NEDD9: variants seen among roughly 807,000 people sequenced by gnomAD.
The protein encoded by NEDD9 is enhancer of filamentation 1.
Under a neutral mutation model 76.6 loss-of-function variants are expected in NEDD9, and 26 were observed. The ratio of observed to expected loss-of-function variants is 0.34; its 90% CI spans 0.25 to 0.47. The LOEUF (loss-of-function observed/expected upper bound fraction) is 0.47. Among genes scored for constraint, NEDD9 ranks in the 20% least tolerant of loss-of-function variants. The pLI, the probability that NEDD9 is intolerant of heterozygous loss-of-function variation, is 1.00. For synonymous variants in NEDD9, 392 were observed against 414.2 expected (o/e 0.95, Z 0.65); for missense variants, 937 against 1,058.5 (o/e 0.89, Z 1.59).
At chr6:11,235,120 G>T (rs112605444), upstream of NEDD9, among the ~76,000 whole-genome samples, 623 of 152,168 alleles carry the variant, frequency 4.1e-3, 3 homozygotes, top group African/African-American at 0.014. The surrounding 1 kb of genome is among the most constrained non-coding windows in gnomAD (Gnocchi z 4.1). Flanking sequence ...GAATTTAATA[G>T]TACTTGTTAC....
At chr6:11,290,839 C>T (rs4711227) in intron 3 of NEDD9, among the ~76,000 whole-genome samples, 3,721 of 152,284 alleles carry the variant, frequency 0.024, 63 homozygotes, top group East Asian at 0.052. Flanking sequence ...CTCTCCGAGG[C>T]AGGCACTGTC....
intron 3 of NEDD9, among the ~76,000 whole-genome samples, chr6:11,255,700 G>C: frequency 6.6e-6 from 1 of 152,082 alleles, no homozygotes; most frequent in Non-Finnish European, 1.5e-5. Context: ...ATAGCCGCTG[G>C]AGCCATGCGA....
chr6:11,371,217 C>T (rs889811368), intron 1 of NEDD9, among the ~76,000 whole-genome samples: 40 of 152,196 alleles, frequency 2.6e-4, no homozygotes, highest in African/African-American at 9.4e-4. Flanking sequence ...CTCCCACTGT[C>T]GACCTCCCTC....
At chr6:11,369,318 A>T (rs1199678203) in intron 1 of NEDD9, among the ~76,000 whole-genome samples, 1 of 152,224 alleles carries the variant, frequency 6.6e-6, no homozygotes, top group Non-Finnish European at 1.5e-5. Flanking sequence ...ATTTATTAAC[A>T]AATTAACAAA....
intron 2 of NEDD9, among the ~76,000 whole-genome samples, chr6:11,202,353 A>G (rs1473163963): frequency 6.6e-6 from 1 of 152,228 alleles, no homozygotes; most frequent in Admixed American, 6.5e-5. Flanking sequence ...GCCCTTGAAA[A>G]GCATTAACAG....
At chr6:11,191,335 C>A in intron 4 of NEDD9, 130 bp from the exon 5 acceptor site, 1 of 929,068 alleles carries the variant, frequency 1.1e-6, no homozygotes, top group Non-Finnish European at 1.6e-6. Context: ...TAGGCACTTC[C>A]AAGGTTCCCC....
chr6:11,374,349 A>G (rs1762936775), intron 1 of NEDD9, among the ~76,000 whole-genome samples: 1 of 152,200 alleles, frequency 6.6e-6, no homozygotes, highest in Admixed American at 6.5e-5. Flanking sequence ...AAGCACCTGC[A>G]TGAGGAACAG....
At chr6:11,285,938 ATTTC>A (rs1760639018) in intron 3 of NEDD9, among the ~76,000 whole-genome samples, 1 of 152,168 alleles carries the variant, frequency 6.6e-6, no homozygotes, top group Non-Finnish European at 1.5e-5. Flanking sequence ...GTAGGCAAGG[ATTTC>A]TTAGTTACCA....
At chr6:11,330,615 A>G (rs534076330) in intron 2 of NEDD9, among the ~76,000 whole-genome samples, 1 of 152,328 alleles carries the variant, frequency 6.6e-6, no homozygotes, top group East Asian at 1.9e-4. Context: ...CCAGAGCCAA[A>G]GAGTGCCAGG....
chr6:11,290,504 C>T (rs1380681249), intron 3 of NEDD9, among the ~76,000 whole-genome samples: 1 of 152,158 alleles, frequency 6.6e-6, no homozygotes, highest in Non-Finnish European at 1.5e-5. Context: ...TGGCTACTGG[C>T]ACTTGCTCCT....
chr6:11,251,948 G>C (rs938151859), intron 3 of NEDD9, among the ~76,000 whole-genome samples: 1 of 152,036 alleles, frequency 6.6e-6, no homozygotes, highest in Non-Finnish European at 1.5e-5. Context: ...GTGTGGGGGG[G>C]GATGGTGAGT....
intron 3 of NEDD9, among the ~76,000 whole-genome samples, chr6:11,302,383 CA>C (rs1761071641): frequency 6.6e-6 from 1 of 152,098 alleles, no homozygotes; most frequent in Admixed American, 6.5e-5. Flanking sequence ...AATAGCCTAC[CA>C]ACCAAAAAAA....
chr6:11,225,578 T>G (rs891200757), intron 1 of NEDD9, among the ~76,000 whole-genome samples: 21 of 152,320 alleles, frequency 1.4e-4, no homozygotes, highest in African/African-American at 4.6e-4. Flanking sequence ...CTCGGCTCAC[T>G]GCAAGCTCCG....
At chr6:11,346,993 T>C (rs1438728923) in intron 1 of NEDD9, among the ~76,000 whole-genome samples, 1 of 152,018 alleles carries the variant, frequency 6.6e-6, no homozygotes, top group East Asian at 1.9e-4. Flanking sequence ...CCTTCATGTA[T>C]CTCCATGGGC....
intron 1 of NEDD9, among the ~76,000 whole-genome samples, chr6:11,354,412 A>G (rs1302275814): frequency 1.3e-5 from 2 of 152,172 alleles, no homozygotes; most frequent in East Asian, 1.9e-4. Context: ...TGCTAGCTTC[A>G]GCTAAATGTG....
At chr6:11,299,283 G>A (rs1344207148) in intron 3 of NEDD9, among the ~76,000 whole-genome samples, 2 of 152,214 alleles carry the variant, frequency 1.3e-5, no homozygotes, top group Non-Finnish European at 2.9e-5. Context: ...GCTTGAGGGG[G>A]GGAGGGGCAT....
chr6:11,185,670 A>C lies in NEDD9; in HGVS notation c.1997T>G (p.Leu666Arg). Residue 666 changes from leucine to arginine, a missense_variant and splice_region_variant, in exon 7 of 7, where the codon CTG (leucine) becomes CGG (arginine). Transcript: ENST00000379446. Reference protein sequence around the residue: ...QNKMQLEHHQLSQFQLLEQEI... With the variant: ...QNKMQLEHHQRSQFQLLEQEI... ...TTGTTCCAACAGCTGGAACTGGCTC[A>C]GCTGCAAGGAAGACGAAAGCAGATC... 1 of 1,614,040 alleles carries C rather than the reference A, an allele frequency of 6.2e-7. No individual in the cohort carries two copies. The highest frequency in any genetic ancestry group is 2.2e-5 in the East Asian group (1 of 44,880).
chr6:11,349,461 C>T (rs1762423535), intron 1 of NEDD9, among the ~76,000 whole-genome samples: 1 of 152,198 alleles, frequency 6.6e-6, no homozygotes, highest in African/African-American at 2.4e-5. Context: ...CATAAAGACA[C>T]ATGCACATGT....
At chr6:11,335,267 G>C (rs1412019156) in intron 1 of NEDD9, among the ~76,000 whole-genome samples, 1 of 152,166 alleles carries the variant, frequency 6.6e-6, no homozygotes, top group Admixed American at 6.5e-5. Flanking sequence ...TGGTTGGACC[G>C]AGAAGAAGCT....
Sources: allele counts gnomAD v4.1 joint callset (sites outside exome capture counted in the v4.1 genomes callset), GRCh38; gene constraint gnomAD v4.1.1; non-coding constraint Gnocchi (gnomAD v3.1); transcripts MANE v1.5; gene names NCBI Gene and HGNC (gene_info 2026-07-23, HGNC 2026-07-21).